The following PCDHGB2 variants were observed in gnomAD, a reference collection of about 807,000 sequenced individuals.
The protein encoded by PCDHGB2 is protocadherin gamma-B2.
In PCDHGB2, 55 loss-of-function variants were observed where a neutral mutation model predicts 59.3. The ratio of observed to expected loss-of-function variants is 0.93; its 90% CI spans 0.75 to 1.16. The LOEUF (loss-of-function observed/expected upper bound fraction) is 1.16. PCDHGB2 is among the 50% of genes most tolerant of loss of function. The pLI is 0.00. For synonymous variants in PCDHGB2, 516 were observed against 512.0 expected (o/e 1.01, Z -0.11); for missense variants, 1,228 against 1,198.5 (o/e 1.02, Z -0.36).
intron 1 of PCDHGB2, among the ~76,000 whole-genome samples, chr5:141,436,389 TTAAA>T (rs1385837876): frequency 6.6e-6 from 1 of 152,212 alleles, no homozygotes; most frequent in Non-Finnish European, 1.5e-5. Context: ...ATAGGCTTTA[TTAAA>T]TAGTTGTTGA....
intron 1 of PCDHGB2, chr5:141,370,906 A>C (rs918888643): frequency 9.3e-6 from 15 of 1,613,840 alleles, no homozygotes; most frequent in Non-Finnish European, 1.3e-5. Context: ...CAGCAGTACT[A>C]CCTCAGCCCT....
chr5:141,390,398 A>G, intron 1 of PCDHGB2: 1 of 1,365,554 alleles, frequency 7.3e-7, no homozygotes, highest in Non-Finnish European at 1.0e-6. Flanking sequence ...GGATCATTTT[A>G]GGAAAGTTGT....
chr5:141,374,589 G>C, intron 1 of PCDHGB2: 3 of 1,613,676 alleles, frequency 1.9e-6, no homozygotes, highest in Non-Finnish European at 1.7e-6. Context: ...TCCCTTCAGG[G>C]ATTTAAGCTC....
intron 1 of PCDHGB2, chr5:141,403,538 C>T (rs781129314): frequency 1.5e-5 from 24 of 1,613,874 alleles, no homozygotes; most frequent in Non-Finnish European, 1.5e-5. Flanking sequence ...AGAGCTGGTG[C>T]TGGAGCGCGC....
At chr5:141,399,372 T>C (rs1333971188) in intron 1 of PCDHGB2, 8 of 1,613,970 alleles carry the variant, frequency 5.0e-6, no homozygotes, top group Non-Finnish European at 6.8e-6. Flanking sequence ...CGGAGTACAA[T>C]GTCACCATCA....
Position 141,432,731 on chromosome 5 carries a change from G to C in PCDHGB2, c.2422-62076G>C, listed in dbSNP as rs1244820860. On this transcript the variant is annotated intron_variant, in intron 1 of 3. Coordinates refer to ENST00000522605, the MANE Select transcript of PCDHGB2 (RefSeq NM_018923.3). This position sits in a 1 kb window ranked among gnomAD's most constrained non-coding sequence, Gnocchi z 6.0. ...CGGCCAGCCCCCTCTCTCCGCCACT[G>C]TCACGCTCACCGTGGCCGTGGCCGA... The C allele has an allele frequency of 6.2e-7, 1 of 1,614,068 alleles. No homozygotes were observed.
In PCDHGB2 at chr5:141,485,701, A is replaced by G. The variant is rs747748476; in HGVS notation, c.2422-9106A>G. The G allele has an allele frequency of 1.9e-6, 3 of 1,614,104 alleles. No homozygotes were observed. Among genetic ancestry groups the G allele is most frequent in the Non-Finnish European group, 2.5e-6 (3 of 1,180,010 alleles). On this transcript the variant is annotated intron_variant, in intron 1 of 3. Transcript: ENST00000522605. The surrounding 1 kb of genome is among the most constrained non-coding windows in gnomAD (Gnocchi z 5.7). ...GCAGCTATAGGCTGAGCTCCAATGAACACTTTGCACTGGATGTGAAGAAGC... is the reference window on the plus strand; with the variant it reads ...GCAGCTATAGGCTGAGCTCCAATGAGCACTTTGCACTGGATGTGAAGAAGC...
chr5:141,443,618 G>A (rs901899343), intron 1 of PCDHGB2, among the ~76,000 whole-genome samples: 2 of 152,178 alleles, frequency 1.3e-5, no homozygotes, highest in Non-Finnish European at 2.9e-5. Context: ...TTATAATCAG[G>A]TGATTGTAAA....
intron 1 of PCDHGB2, among the ~76,000 whole-genome samples, chr5:141,445,320 A>G (rs1462989860): frequency 1.3e-5 from 2 of 152,188 alleles, no homozygotes; most frequent in Non-Finnish European, 2.9e-5. Flanking sequence ...GGTTGAGAGA[A>G]CCCATCCAGA....
chr5:141,438,635 TACACACACACACACAC>T (rs56854727), intron 1 of PCDHGB2, among the ~76,000 whole-genome samples: 7 of 33,414 alleles, frequency 2.1e-4, no homozygotes, highest in Non-Finnish European at 3.7e-4. Flanking sequence ...TATATATATA[TACACACACACACACAC>T]ATATATGTAT....
chr5:141,438,074 T>C (rs963146682), intron 1 of PCDHGB2, among the ~76,000 whole-genome samples: 10 of 152,116 alleles, frequency 6.6e-5, no homozygotes, highest in African/African-American at 2.4e-4. Flanking sequence ...CCATACTTAA[T>C]GGAAAATTAC....
intron 2 of PCDHGB2, among the ~76,000 whole-genome samples, chr5:141,500,904 C>T (rs2099803610): frequency 6.6e-6 from 1 of 151,662 alleles, no homozygotes; most frequent in Non-Finnish European, 1.5e-5. Context: ...CAGTCTCGCT[C>T]TGTCTCCAGG....
intron 1 of PCDHGB2, among the ~76,000 whole-genome samples, chr5:141,438,629 TATATATACACAC>T (rs1343412075): frequency 0.05 from 2,378 of 47,602 alleles, 22 homozygotes; most frequent in African/African-American, 0.12. Context: ...TATATATATA[TATATATACACAC>T]ACACACACAC....
intron 1 of PCDHGB2, chr5:141,416,540 G>T (rs1439132249): frequency 6.6e-6 from 1 of 151,974 alleles, no homozygotes; most frequent in Non-Finnish European, 1.5e-5. Flanking sequence ...GTATAAGGAG[G>T]CAAACACCTG....
intron 3 of PCDHGB2, 94 bp downstream of exon 3, chr5:141,505,575 C>T: frequency 6.3e-7 from 1 of 1,592,302 alleles, no homozygotes. Context: ...GATGTCAAAC[C>T]TGTGTAGTTT....
At chr5:141,480,167 G>C (rs752444894) in intron 1 of PCDHGB2, among the ~76,000 whole-genome samples, 3 of 151,964 alleles carry the variant, frequency 2.0e-5, no homozygotes, top group Non-Finnish European at 2.9e-5. Flanking sequence ...ATTTTGGGAG[G>C]CTGAGGCAGG....
chr5:141,464,530 T>C (rs375523203), intron 1 of PCDHGB2, among the ~76,000 whole-genome samples: 1 of 152,108 alleles, frequency 6.6e-6, no homozygotes, highest in African/African-American at 2.4e-5. Flanking sequence ...TATGTAGTTT[T>C]GTTAAATATA....
chr5:141,364,152 C>A (rs1763186679), intron 1 of PCDHGB2: 2 of 570,580 alleles, frequency 3.5e-6, no homozygotes, highest in Non-Finnish European at 5.5e-6. Flanking sequence ...AAAGAAGCTG[C>A]CGCAGAGGCG....
At chr5:141,367,536 C>CG (rs1376897976) in intron 1 of PCDHGB2, 1 of 106,510 alleles carries the variant, frequency 9.4e-6, no homozygotes, top group Admixed American at 1.0e-4. Flanking sequence ...GACTCCGTCT[C>CG]AAAATAAATA....
Sources: gnomAD v4.1 joint callset for allele counts (sites outside exome capture counted in the v4.1 genomes callset) on GRCh38, gnomAD v4.1.1 for gene constraint, Gnocchi (gnomAD v3.1) non-coding constraint, MANE v1.5 for transcripts, NCBI Gene and HGNC (gene_info 2026-07-23, HGNC 2026-07-21) for gene names.